The following ANKS1B variants were observed in gnomAD, a reference collection of about 807,000 sequenced individuals.
ANKS1B encodes ankyrin repeat and sterile alpha motif domain-containing protein 1B.
In ANKS1B, 36 loss-of-function variants were observed where a neutral mutation model predicts 148.3. That is an observed-to-expected ratio of 0.24 (90% CI 0.19 to 0.32). ANKS1B has a LOEUF of 0.32. Ranked by LOEUF, ANKS1B falls within the 10% of genes least tolerant of loss-of-function variation. The probability of loss-of-function intolerance (pLI) is 1.00; values close to 1 mark genes in which losing one functional copy is unlikely to be tolerated. For synonymous variants in ANKS1B, 542 were observed against 560.8 expected (o/e 0.97, Z 0.47); for missense variants, 1,157 against 1,542.6 (o/e 0.75, Z 4.19).
chr12:99,075,844 TTTATA>T (rs1411943523), intron 16 of ANKS1B, among the ~76,000 whole-genome samples: 1 of 148,390 alleles, frequency 6.7e-6, no homozygotes. Context: ...TAATATATGT[TTTATA>T]TTATATATAC....
Position 99,220,966 on chromosome 12 carries a change from C to A in ANKS1B, c.2419+23376G>T, listed in dbSNP as rs12313058. On this transcript the variant is annotated intron_variant, in intron 14 of 26. Coordinates refer to ENST00000683438, the MANE Select transcript of ANKS1B (RefSeq NM_001352186.2). ...TTATATAATCTGGAAGTGAGGGAGGCCTTTTTAATAATAATACAACATTTT... is the reference window on the plus strand; with the variant it reads ...TTATATAATCTGGAAGTGAGGGAGGACTTTTTAATAATAATACAACATTTT... Among the ~76,000 whole-genome samples the A allele has an allele frequency of 4.2e-3, 642 of 152,082 alleles. 8 individuals are homozygous for A. Among genetic ancestry groups the A allele is most frequent in the African/African-American group, 0.015 (625 of 41,478 alleles).
intron 14 of ANKS1B, among the ~76,000 whole-genome samples, chr12:99,181,743 T>C (rs2079140750): frequency 6.6e-6 from 1 of 152,062 alleles, no homozygotes; most frequent in African/African-American, 2.4e-5. Context: ...AATGATCACG[T>C]CAGAATAAAT....
intron 11 of ANKS1B, among the ~76,000 whole-genome samples, chr12:99,402,782 C>A (rs1054804743): frequency 6.8e-6 from 1 of 146,006 alleles, no homozygotes; most frequent in Admixed American, 6.8e-5. Flanking sequence ...AATGAACATA[C>A]GCATGACGTG....
At chr12:98,918,218 G>A (rs1034886541) in intron 17 of ANKS1B, among the ~76,000 whole-genome samples, 4 of 152,216 alleles carry the variant, frequency 2.6e-5, no homozygotes, top group East Asian at 3.9e-4. Flanking sequence ...GTTGGCTAGA[G>A]GAGTGAGATT....
intron 18 of ANKS1B, 133 bp downstream of exon 18, chr12:98,831,896 G>A (rs1247471584): frequency 6.5e-6 from 5 of 774,822 alleles, no homozygotes; most frequent in Admixed American, 4.0e-5. Context: ...ACTACAGACA[G>A]GCACAACCAC....
chr12:99,241,587 C>A (rs2089334436), intron 14 of ANKS1B, among the ~76,000 whole-genome samples: 1 of 152,156 alleles, frequency 6.6e-6, no homozygotes, highest in Admixed American at 6.5e-5. Flanking sequence ...CTGGCAGAGA[C>A]ACAACAACAA....
At chr12:98,869,732 T>C (rs1206045074) in intron 17 of ANKS1B, among the ~76,000 whole-genome samples, 2 of 151,924 alleles carry the variant, frequency 1.3e-5, no homozygotes, top group Non-Finnish European at 2.9e-5. Flanking sequence ...TATATAAACG[T>C]TAACATTTAG....
intron 17 of ANKS1B, among the ~76,000 whole-genome samples, chr12:99,027,095 T>C (rs564155551): frequency 4.9e-4 from 74 of 152,318 alleles, no homozygotes; most frequent in African/African-American, 1.7e-3. Flanking sequence ...AATAAGTTAT[T>C]TATACAGAGA....
intron 12 of ANKS1B, among the ~76,000 whole-genome samples, chr12:99,315,420 C>T (rs2083888565): frequency 1.3e-5 from 2 of 152,012 alleles, no homozygotes; most frequent in African/African-American, 4.8e-5. Flanking sequence ...ACAGACAGTG[C>T]TCAAAAGAAG....
chr12:99,034,301 G>A (rs2099954148), intron 17 of ANKS1B, among the ~76,000 whole-genome samples: 3 of 152,054 alleles, frequency 2.0e-5, no homozygotes, highest in Admixed American at 2.0e-4. Flanking sequence ...CAGGAAAAGA[G>A]AACTGAGCAC....
chr12:99,659,724 T>C (rs1025383511), intron 8 of ANKS1B, among the ~76,000 whole-genome samples: 3 of 152,304 alleles, frequency 2.0e-5, no homozygotes, highest in Non-Finnish European at 2.9e-5. Context: ...ATTTATAAAA[T>C]GCTTTCAGAT....
chr12:99,188,271 T>C (rs1170596937), intron 14 of ANKS1B, among the ~76,000 whole-genome samples: 4 of 152,190 alleles, frequency 2.6e-5, no homozygotes, highest in African/African-American at 9.6e-5. Context: ...CCACTGTCAA[T>C]ATTAGACAGA....
intron 9 of ANKS1B, 79 bp downstream of exon 9, chr12:99,654,987 CG>C: frequency 1.4e-6 from 2 of 1,417,566 alleles, no homozygotes; most frequent in Non-Finnish European, 9.5e-7. Flanking sequence ...ATTTGATTTT[CG>C]AAGGGGAGGG....
At chr12:99,837,395 G>A (rs1195056355) in intron 1 of ANKS1B, among the ~76,000 whole-genome samples, 4 of 152,112 alleles carry the variant, frequency 2.6e-5, no homozygotes, top group Non-Finnish European at 5.9e-5. Flanking sequence ...ATACAGGTGT[G>A]CTTATTGTAA....
intron 12 of ANKS1B, among the ~76,000 whole-genome samples, chr12:99,304,535 T>C (rs2082103773): frequency 1.3e-5 from 2 of 152,164 alleles, no homozygotes; most frequent in Non-Finnish European, 2.9e-5. Context: ...TGAAACTCAT[T>C]TATTTGTGAC....
intron 24 of ANKS1B, among the ~76,000 whole-genome samples, chr12:98,777,088 G>A (rs2098686397): frequency 6.6e-6 from 1 of 152,144 alleles, no homozygotes; most frequent in Non-Finnish European, 1.5e-5. Flanking sequence ...AGCTGCTCTG[G>A]AGGCTGAGGT....
intron 10 of ANKS1B, among the ~76,000 whole-genome samples, chr12:99,462,665 G>C (rs906482466): frequency 6.6e-6 from 1 of 152,130 alleles, no homozygotes; most frequent in Non-Finnish European, 1.5e-5. Context: ...CAAATGATTT[G>C]ATATTCTCTG....
intron 1 of ANKS1B, among the ~76,000 whole-genome samples, chr12:99,927,867 C>T (rs1414188878): frequency 3.3e-5 from 5 of 152,090 alleles, no homozygotes; most frequent in Non-Finnish European, 7.4e-5. Context: ...TTTTAAAAAA[C>T]ACTTTAACTG....
intron 17 of ANKS1B, among the ~76,000 whole-genome samples, chr12:98,973,128 C>T (rs1321444544): frequency 6.6e-6 from 1 of 151,506 alleles, no homozygotes; most frequent in African/African-American, 2.4e-5. Flanking sequence ...CATCACTAGC[C>T]ATGTTCAAAT....
Sources: allele counts gnomAD v4.1 joint callset (sites outside exome capture counted in the v4.1 genomes callset), GRCh38; gene constraint gnomAD v4.1.1; transcripts MANE v1.5; gene names NCBI Gene and HGNC (gene_info 2026-07-23, HGNC 2026-07-21).